The following REC114 variants were observed in gnomAD, a reference collection of about 807,000 sequenced individuals.
REC114 encodes meiotic recombination protein REC114.
Under a neutral mutation model 31.3 loss-of-function variants are expected in REC114, and 27 were observed. That is an observed-to-expected ratio of 0.86 (90% CI 0.64 to 1.19). The LOEUF is 1.19. REC114 is among the 50% of genes most tolerant of loss of function. REC114 has a pLI of 0.00. For synonymous variants in REC114, 134 were observed against 127.7 expected (o/e 1.05, Z -0.33); for missense variants, 344 against 326.9 (o/e 1.05, Z -0.40).
chr15:73,481,149 A>C (rs1052018786), intron 2 of REC114, among the ~76,000 whole-genome samples: 1 of 152,194 alleles, frequency 6.6e-6, no homozygotes, highest in Non-Finnish European at 1.5e-5. Context: ...CAGCCTAGTA[A>C]CAGCTTCATG....
chr15:73,550,026 A>G (rs1334174433), intron 3 of REC114, among the ~76,000 whole-genome samples: 1 of 152,210 alleles, frequency 6.6e-6, no homozygotes, highest in Non-Finnish European at 1.5e-5. Flanking sequence ...TATATATTTC[A>G]TGAGGGAAAA....
At chr15:73,524,197 T>C (rs1460077187) in intron 2 of REC114, among the ~76,000 whole-genome samples, 1 of 152,126 alleles carries the variant, frequency 6.6e-6, no homozygotes, top group Non-Finnish European at 1.5e-5. Flanking sequence ...TTTGCTAAAA[T>C]TGAAGAAAGA....
At chr15:73,470,795 G>A (rs1893123960) in intron 1 of REC114, among the ~76,000 whole-genome samples, 2 of 152,192 alleles carry the variant, frequency 1.3e-5, no homozygotes, top group African/African-American at 4.8e-5. Flanking sequence ...AGTTTTACCT[G>A]AAAACATGAT....
At chr15:73,462,462 A>C (rs1281774078) in intron 1 of REC114, among the ~76,000 whole-genome samples, 1 of 152,140 alleles carries the variant, frequency 6.6e-6, no homozygotes. Context: ...TGCTTTTCTT[A>C]ACCTTGATTC....
intron 5 of REC114, among the ~76,000 whole-genome samples, chr15:73,558,176 C>T (rs1894500478): frequency 6.6e-6 from 1 of 152,162 alleles, no homozygotes; most frequent in African/African-American, 2.4e-5. Context: ...AGACCCCCAT[C>T]TCTAAAAATA....
intron 1 of REC114, among the ~76,000 whole-genome samples, chr15:73,461,876 A>T (rs1892991596): frequency 7.3e-6 from 1 of 137,084 alleles, no homozygotes; most frequent in African/African-American, 2.7e-5. Context: ...GTCTTCTGTT[A>T]TGATTTGGTC....
intron 1 of REC114, among the ~76,000 whole-genome samples, chr15:73,448,662 G>A (rs558323273): frequency 2.6e-5 from 4 of 152,184 alleles, no homozygotes; most frequent in African/African-American, 4.8e-5. Context: ...GGAACAGACT[G>A]CCTCCTAAAG....
intron 1 of REC114, among the ~76,000 whole-genome samples, chr15:73,450,886 CT>C (rs1282499649): frequency 6.6e-6 from 1 of 152,150 alleles, no homozygotes; most frequent in Non-Finnish European, 1.5e-5. Flanking sequence ...TGAATGACTA[CT>C]GGGTAAATAA....
chr15:73,539,004 A>G (rs1467723028), intron 2 of REC114, among the ~76,000 whole-genome samples: 2 of 151,950 alleles, frequency 1.3e-5, no homozygotes, highest in Non-Finnish European at 2.9e-5. Context: ...GCTGGGTCCA[A>G]ATGTAAATAC....
At chr15:73,461,253 A>G (rs1892984317) in intron 1 of REC114, among the ~76,000 whole-genome samples, 1 of 152,122 alleles carries the variant, frequency 6.6e-6, no homozygotes, top group Non-Finnish European at 1.5e-5. Flanking sequence ...TATTAGCATA[A>G]TACACTCTAC....
intron 3 of REC114, among the ~76,000 whole-genome samples, chr15:73,545,527 C>T (rs539851809): frequency 6.6e-6 from 1 of 152,190 alleles, no homozygotes; most frequent in Admixed American, 6.5e-5. Flanking sequence ...ATCTTGGATC[C>T]ACATGCATTG....
chr15:73,554,237 C>A (rs1327992287), intron 4 of REC114, among the ~76,000 whole-genome samples: 4 of 152,150 alleles, frequency 2.6e-5, no homozygotes, highest in Non-Finnish European at 4.4e-5. Flanking sequence ...TTGTGAGGCA[C>A]CACCTAGAAC....
At chr15:73,559,206 A>G (rs552099348) in intron 5 of REC114, among the ~76,000 whole-genome samples, 1 of 152,336 alleles carries the variant, frequency 6.6e-6, no homozygotes, top group East Asian at 1.9e-4. Context: ...AATGTTCTGT[A>G]TTTTGATTGT....
Position 73,556,456 on chromosome 15 carries a change from C to A in REC114, c.636+65C>A, listed in dbSNP as rs1376158639. On this transcript the variant is annotated intron_variant, in intron 5 of 5. Transcript: ENST00000331090. Reference sequence around the variant, plus strand: ...AGCAGTGACCCCTAAGAATTTGTATCCCTTTGTTCAATTCTTTGTTTTAGG... The same window carrying A: ...AGCAGTGACCCCTAAGAATTTGTATACCTTTGTTCAATTCTTTGTTTTAGG... 14 of 1,337,984 alleles carry A rather than the reference C, an allele frequency of 1.0e-5. No homozygotes were observed. The South Asian group carries it at 1.4e-4, about 13-fold the overall frequency. 82.9% of individuals were successfully genotyped at this position (1,337,984 alleles called of 1,614,324 possible).
rs1469053856 is a variant in REC114, at chr15:73,526,463, C to CT, written c.250-14021dup. Among the ~76,000 whole-genome samples the CT allele has an allele frequency of 3.3e-5, 5 of 152,032 alleles. No homozygotes were observed. The East Asian group carries it at 9.6e-4, about 29-fold the overall frequency. On this transcript the variant is annotated intron_variant, in intron 2 of 5. Transcript: ENST00000331090. ...TTCATTTTCACAATTGGTTTATTAGCTACTCCTCCTTTATCACCACCCACC... is the reference window on the plus strand; with the variant it reads ...TTCATTTTCACAATTGGTTTATTAGCTTACTCCTCCTTTATCACCACCCACC...
At chr15:73,555,228 G>A (rs1474301360) in intron 4 of REC114, among the ~76,000 whole-genome samples, 4 of 152,088 alleles carry the variant, frequency 2.6e-5, no homozygotes, top group African/African-American at 7.2e-5. Context: ...GGACAGAAGC[G>A]CCCTCCAAAG....
intron 1 of REC114, among the ~76,000 whole-genome samples, chr15:73,452,188 CA>C (rs1476994848): frequency 6.6e-6 from 1 of 152,166 alleles, no homozygotes; most frequent in Non-Finnish European, 1.5e-5. Flanking sequence ...AAGAGGAAGT[CA>C]AAATGTCTCT....
intron 1 of REC114, among the ~76,000 whole-genome samples, chr15:73,459,030 A>G (rs905728837): frequency 1.3e-5 from 2 of 152,184 alleles, no homozygotes; most frequent in Non-Finnish European, 2.9e-5. Flanking sequence ...CAACTACTTA[A>G]TGAGTAATTA....
At chr15:73,508,848 T>C (rs1354427465) in intron 2 of REC114, among the ~76,000 whole-genome samples, 1 of 151,900 alleles carries the variant, frequency 6.6e-6, no homozygotes, top group Non-Finnish European at 1.5e-5. Flanking sequence ...CTATCATTGT[T>C]GGACATTTGG....
Sources: allele counts gnomAD v4.1 joint callset (sites outside exome capture counted in the v4.1 genomes callset), GRCh38; gene constraint gnomAD v4.1.1; transcripts MANE v1.5; gene names NCBI Gene and HGNC (gene_info 2026-07-23, HGNC 2026-07-21).